The following DENND3 variants were observed in gnomAD, a reference collection of about 807,000 sequenced individuals.
DENND3 encodes DENN domain containing 3.
A neutral mutation model predicts 135.1 loss-of-function variants in DENND3; 88 were observed. That is an observed-to-expected ratio of 0.65 (90% confidence interval 0.55 to 0.78). DENND3 has a LOEUF of 0.78. Among genes scored for constraint, DENND3 ranks in the 30% least tolerant of loss-of-function variants. DENND3 has a pLI of 0.00. For synonymous variants in DENND3, 693 were observed against 712.3 expected, an observed-to-expected ratio of 0.97 and a Z score of 0.43; for missense variants, 1,392 against 1,688.4, an observed-to-expected ratio of 0.82 and a Z score of 3.08.
At chr8:141,132,773 C>T (rs1018729321) in intron 1 of DENND3, among the ~76,000 whole-genome samples, 13 of 152,140 alleles carry the variant, frequency 8.5e-5, no homozygotes, top group African/African-American at 2.4e-4. Flanking sequence ...CCAAGTTGAT[C>T]GGATCTGGGG....
At chr8:141,165,464 C>CTT (rs761618969) in intron 11 of DENND3, among the ~76,000 whole-genome samples, 175 bp downstream of exon 11, 124 of 139,386 alleles carry the variant, frequency 8.9e-4, no homozygotes, top group African/African-American at 3.1e-3. Flanking sequence ...TCTACTTCTT[C>CTT]TTTTTTTTTT....
intron 13 of DENND3, among the ~76,000 whole-genome samples, chr8:141,170,829 A>C (rs1354772733): frequency 1.3e-5 from 2 of 151,558 alleles, no homozygotes; most frequent in Non-Finnish European, 2.9e-5. Flanking sequence ...TCCTTCTGTC[A>C]CTCCTCTGTG....
chr8:141,183,419 A>ATTTTTTTT lies in DENND3; in HGVS notation c.2945-1709_2945-1702dup, dbSNP rs1224506549. The stretch of plus-strand genomic sequence containing the variant: ...ACCACTATGCCCAGCCAATTTTTGT[A>ATTTTTTTT]TTTTTTTTTTTTTTTTTTGTAGAGA... On this transcript the variant is annotated intron_variant, in intron 17 of 22. Transcript: ENST00000519811. Among the ~76,000 whole-genome samples the ATTTTTTTT allele has an allele frequency of 5.8e-5, 7 of 121,640 alleles. 1 individual carries two copies. The highest frequency in any genetic ancestry group is 1.1e-4 in the Non-Finnish European group (6 of 55,206). 79.8% of individuals were successfully genotyped at this position (121,640 alleles called of 152,430 possible).
Position 141,167,101 on chromosome 8 carries a change from A to G in DENND3, c.1753+712A>G, listed in dbSNP as rs976528960. ...TGACACCTTGATGACCCCGAGGGCT[A>G]TGGTCTAGCAGGGGCAGTGCGCATG... On this transcript the variant is annotated intron_variant, in intron 12 of 22. Coordinates refer to ENST00000519811, the MANE Select transcript of DENND3 (RefSeq NM_001352890.3). This position sits in a 1 kb window ranked among gnomAD's most constrained non-coding sequence, Gnocchi z 4.1. Among the ~76,000 whole-genome samples, 3 of 152,288 alleles carry G rather than the reference A, an allele frequency of 2.0e-5. No individual in the cohort carries two copies. The highest frequency in any genetic ancestry group is 2.1e-4 in the South Asian group (1 of 4,826).
chr8:141,190,401 C>A lies in DENND3; in HGVS notation c.3363C>A (p.Gly1121=), dbSNP rs765778810. Residue 1121 remains glycine, a synonymous_variant, in exon 20 of 23, where the codon GGC becomes GGA. Coordinates refer to ENST00000519811, the MANE Select transcript of DENND3 (RefSeq NM_001352890.3). ...GCCTGACGTCCATCAGACTGCACGG[C>A]GGCCGCCTGTGGTGCTGTAAGTCCG... is the stretch of plus-strand genomic sequence containing the variant. The part of the protein sequence containing the change: ...RGGLTSIRLH[G]GRLWCCTGNS... 1.2e-6 allele frequency: 2 copies of A among 1,609,674 alleles called. No homozygotes were observed.
At chr8:141,153,194 A>G (rs534614642) in intron 7 of DENND3, among the ~76,000 whole-genome samples, 1 of 150,988 alleles carries the variant, frequency 6.6e-6, no homozygotes, top group South Asian at 2.1e-4. Flanking sequence ...CCCGGGTTCA[A>G]GCGATTCTCC....
At chr8:141,129,745 G>A (rs1815730439) in intron 1 of DENND3, 1 of 152,210 alleles carries the variant, frequency 6.6e-6, no homozygotes, top group African/African-American at 2.4e-5. Context: ...AATGACGCTG[G>A]GCTATCCAGG....
chr8:141,189,704 CCTGA>C (rs770414049), intron 19 of DENND3, among the ~76,000 whole-genome samples: 41 of 152,208 alleles, frequency 2.7e-4, no homozygotes, highest in Admixed American at 6.5e-4. Context: ...TCCTTTTTCC[CCTGA>C]CTTAGTGTCG....
chr8:141,159,700 G>A (rs1448392936), intron 8 of DENND3, among the ~76,000 whole-genome samples: 1 of 152,252 alleles, frequency 6.6e-6, no homozygotes, highest in Non-Finnish European at 1.5e-5. Context: ...CCAGATATGC[G>A]TTGGTTCTGT....
rs1429061545 is a variant in DENND3 at position 141,180,859 on chromosome 8, G to A, written c.2944+5G>A. ...ACGTGCTGCTCTACACTCCAGGTAA[G>A]GCCCCTCTGCCCGCGCCTCGCTGCC... On this transcript the variant is annotated splice_donor_5th_base_variant and intron_variant, in intron 17 of 22. Coordinates refer to ENST00000519811, the MANE Select transcript of DENND3 (RefSeq NM_001352890.3). 1.2e-6 allele frequency: 2 copies of A among 1,609,156 alleles called. No individual in the cohort carries two copies. The highest frequency in any genetic ancestry group is 1.7e-5 in the Admixed American group (1 of 59,450).
Position 141,151,683 on chromosome 8 carries a change from C to A in DENND3, c.920C>A (p.Thr307Lys), listed in dbSNP as rs767503171. ...TTCTCCTCGGACTGGGCTCTGCTGA[C>A]GCTGGTCACTGAGTGCTTCATGGCC... ...VFFSSDWALLTLVTECFMAYL... is the reference protein window; with the variant it reads ...VFFSSDWALLKLVTECFMAYL... Residue 307 changes from threonine to lysine, a missense_variant, in exon 7 of 23, where the codon ACG (threonine) becomes AAG (lysine). Thr to Lys is a moderately conservative substitution (Grantham distance 78). Coordinates refer to ENST00000519811, the MANE Select transcript of DENND3 (RefSeq NM_001352890.3). 30 of 1,613,966 alleles carry A rather than the reference C, an allele frequency of 1.9e-5. No homozygotes were observed. Among genetic ancestry groups the A allele is most frequent in the Non-Finnish European group, 2.3e-5 (27 of 1,180,036 alleles).
chr8:141,137,994 A>G lies in DENND3; in HGVS notation c.386-28A>G. 1.2e-5 allele frequency: 19 copies of G among 1,544,690 alleles called. No individual in the cohort carries two copies. The highest frequency in any genetic ancestry group is 1.7e-4 in the Middle Eastern group (1 of 5,958). ...ACCCAGGCCACTTGGCAAGAACAGGATTCTTCTCTGTCTCTTTCTGCCTGC... is the reference window on the plus strand; with the variant it reads ...ACCCAGGCCACTTGGCAAGAACAGGGTTCTTCTCTGTCTCTTTCTGCCTGC... On this transcript the variant is annotated intron_variant, in intron 2 of 22. Transcript: ENST00000519811. The surrounding 1 kb of genome is among the most constrained non-coding windows in gnomAD (Gnocchi z 4.1).
intron 1 of DENND3, among the ~76,000 whole-genome samples, chr8:141,134,609 A>AT (rs1395377707): frequency 3.3e-5 from 5 of 152,130 alleles, no homozygotes; most frequent in Admixed American, 2.0e-4. Flanking sequence ...CTACTGATAC[A>AT]TTTTTTTCTC....
intron 13 of DENND3, among the ~76,000 whole-genome samples, chr8:141,172,116 G>T (rs1821673450): frequency 6.6e-6 from 1 of 151,254 alleles, no homozygotes; most frequent in Admixed American, 6.6e-5. Flanking sequence ...CACGGTGGTG[G>T]GCGTGCACGG....
intron 5 of DENND3, among the ~76,000 whole-genome samples, chr8:141,148,599 C>T (rs949578789): frequency 6.6e-6 from 1 of 152,036 alleles, no homozygotes; most frequent in Non-Finnish European, 1.5e-5. Flanking sequence ...AACTGTTTAC[C>T]TTAAATATCT....
At chr8:141,184,046 T>C (rs1823557658) in intron 17 of DENND3, among the ~76,000 whole-genome samples, 1 of 152,218 alleles carries the variant, frequency 6.6e-6, no homozygotes, top group African/African-American at 2.4e-5. Context: ...TGGGCCTGCT[T>C]CTTGGGCTGT....
chr8:141,135,148 CTTTCT>C (rs1194886921), intron 1 of DENND3, among the ~76,000 whole-genome samples: 10 of 146,970 alleles, frequency 6.8e-5, no homozygotes, highest in African/African-American at 2.6e-4. Flanking sequence ...TTCTTTCTTT[CTTTCT>C]TTTTTTTTTT....
Position 141,180,734 on chromosome 8 carries a change from T to A in DENND3, c.2837-13T>A. On this transcript the variant is annotated splice_polypyrimidine_tract_variant and intron_variant, in intron 16 of 22. Coordinates refer to ENST00000519811, the MANE Select transcript of DENND3 (RefSeq NM_001352890.3). Reference sequence around the variant, plus strand: ...GGCTGCAACAGTAACACTCCAAGTGTCTTGTCTTTCAGTGCCCATGACGCT... The same window carrying A: ...GGCTGCAACAGTAACACTCCAAGTGACTTGTCTTTCAGTGCCCATGACGCT... The A allele has an allele frequency of 6.2e-7, 1 of 1,610,932 alleles. No individual in the cohort carries two copies. Among genetic ancestry groups the A allele is most frequent in the Non-Finnish European group, 8.5e-7 (1 of 1,178,164 alleles).
At position 141,137,904 on chromosome 8, in the gene DENND3, A is replaced by T; in HGVS notation, c.386-118A>T. The T allele has an allele frequency of 1.0e-6, 1 of 978,098 alleles. No individual in the cohort carries two copies. Among genetic ancestry groups the T allele is most frequent in the South Asian group, 1.7e-5 (1 of 59,310 alleles). The allele number at this position is 978,098 out of a possible 1,614,324, so 60.6% of individuals were successfully genotyped here. A position where few individuals can be genotyped will look rare whatever the true frequency, so the allele number is the denominator to read the frequency against. Reference sequence around the variant, plus strand: ...AAGAATGAACCCGCCTTGGACATGAAGGCACCACCACTGCTAACTGTGGAG... The same window carrying T: ...AAGAATGAACCCGCCTTGGACATGATGGCACCACCACTGCTAACTGTGGAG... On this transcript the variant is annotated intron_variant, in intron 2 of 22. Transcript: ENST00000519811. This position sits in a 1 kb window ranked among gnomAD's most constrained non-coding sequence, Gnocchi z 4.1.
Sources: gnomAD v4.1 joint callset for allele counts (sites outside exome capture counted in the v4.1 genomes callset) on GRCh38, gnomAD v4.1.1 for gene constraint, Gnocchi (gnomAD v3.1) non-coding constraint, MANE v1.5 for transcripts, NCBI Gene and HGNC (gene_info 2026-07-23, HGNC 2026-07-21) for gene names.